ZNF626: variants seen among roughly 807,000 people sequenced by gnomAD.
ZNF626 encodes zinc finger protein 626.
ZNF626 carries 4 observed loss-of-function variants against 11.7 expected under a neutral mutation model. The ratio of observed to expected loss-of-function variants is 0.34; its 90% CI spans 0.17 to 0.78. ZNF626 has a LOEUF of 0.78. ZNF626 is among the 30% of genes least tolerant of loss of function. The pLI, the probability that ZNF626 is intolerant of heterozygous loss-of-function variation, is 0.57. For synonymous variants in ZNF626, 179 were observed against 198.6 expected (o/e 0.90, Z 0.83); for missense variants, 588 against 587.1 (o/e 1.00, Z -0.01).
rs545934123 is a variant in ZNF626 at position 20,621,285 on chromosome 19, C to A, written c.*3005G>T. 7.2e-5 allele frequency: 11 copies of A among 152,214 alleles called. No homozygotes were observed. The highest frequency in any genetic ancestry group is 2.0e-4 in the Admixed American group (3 of 15,288). The allele number at this position is 152,214 out of a possible 1,614,324, so 9.4% of individuals were successfully genotyped here. The stretch of plus-strand genomic sequence containing the variant: ...CTAGGAATACGGGTGCACCACCATG[C>A]CCAACTAATTTTTGTTGTTTTAGTA... On this transcript the variant is annotated 3_prime_UTR_variant, in exon 4 of 4. Transcript: ENST00000601440.
intron 3 of ZNF626, among the ~76,000 whole-genome samples, chr19:20,633,117 G>A (rs530396730): frequency 1.7e-3 from 261 of 152,272 alleles, no homozygotes; most frequent in Middle Eastern, 3.4e-3. Context: ...CTGAACCGCA[G>A]ATACTGCTGC....
rs564802791 is a variant in ZNF626, at chr19:20,629,064, G to C, written c.227-3414C>G. On this transcript the variant is annotated intron_variant, in intron 3 of 3. Transcript: ENST00000601440. ...AATCCTTTCCCCATTGCTTGTTTTT[G>C]TCAGGTTTGTCAAAGGTCAGATAGT... Among the ~76,000 whole-genome samples, 417 of 152,190 alleles carry C rather than the reference G, an allele frequency of 2.7e-3. 1 individual carries two copies. Among genetic ancestry groups the C allele is most frequent in the South Asian group, 4.6e-3 (22 of 4,828 alleles).
At chr19:20,634,464 A>G (rs112776902) in intron 3 of ZNF626, among the ~76,000 whole-genome samples, 21,868 of 152,186 alleles carry the variant, frequency 0.14, 1,706 homozygotes, top group Middle Eastern at 0.19. Flanking sequence ...ACTTTCTATG[A>G]CAAAAATGGA....
In ZNF626 at chr19:20,645,675, C is replaced by T. The variant is rs1555771827; in HGVS notation, c.226+9G>A. ...GTCATCTGTTGTATTCATTTTCACT[C>T]ACACCTACCTGAGGGTTTGGCTATC... On this transcript the variant is annotated intron_variant, in intron 3 of 3. Coordinates refer to ENST00000601440, the MANE Select transcript of ZNF626 (RefSeq NM_001076675.3). The T allele has an allele frequency of 5.0e-6, 8 of 1,605,986 alleles. No homozygotes were observed. Among genetic ancestry groups the T allele is most frequent in the Non-Finnish European group, 6.8e-6 (8 of 1,178,178 alleles).
At chr19:20,638,336 A>G (rs978673544) in intron 3 of ZNF626, among the ~76,000 whole-genome samples, 1 of 151,996 alleles carries the variant, frequency 6.6e-6, no homozygotes, top group Non-Finnish European at 1.5e-5. Flanking sequence ...GAGGCAGGAG[A>G]ATTGCTTAAA....
intron 1 of ZNF626, among the ~76,000 whole-genome samples, chr19:20,660,422 C>T (rs1300659081): frequency 6.6e-6 from 1 of 151,904 alleles, no homozygotes; most frequent in Non-Finnish European, 1.5e-5. Flanking sequence ...TTTTAAGATG[C>T]TTACTTTTTT....
intron 3 of ZNF626, among the ~76,000 whole-genome samples, chr19:20,627,857 C>T (rs558202822): frequency 1.9e-4 from 29 of 152,254 alleles, no homozygotes; most frequent in African/African-American, 6.7e-4. Flanking sequence ...TATACTTGTG[C>T]CATGTTGGTG....
At chr19:20,645,274 T>C in intron 3 of ZNF626, 1 of 1,468,842 alleles carries the variant, frequency 6.8e-7, no homozygotes, top group Non-Finnish European at 9.0e-7. Context: ...CAGAAACTAT[T>C]ACTCTCAGAC....
At chr19:20,651,271 A>C (rs1232452479) in intron 1 of ZNF626, among the ~76,000 whole-genome samples, 5 of 151,920 alleles carry the variant, frequency 3.3e-5, no homozygotes, top group Non-Finnish European at 1.5e-5. Context: ...AGTCACAACA[A>C]TATAAAGTGG....
intron 3 of ZNF626, among the ~76,000 whole-genome samples, chr19:20,633,370 C>T (rs1388706632): frequency 1.5e-4 from 20 of 136,736 alleles, no homozygotes; most frequent in African/African-American, 5.7e-4. Context: ...TTTGTCTGTG[C>T]CCTGCCCCCA....
rs2144758183 is a variant in ZNF626 at position 20,621,960 on chromosome 19, G to A, written c.*2330C>T. 1 of 152,342 alleles carries A rather than the reference G, an allele frequency of 6.6e-6. No homozygotes were observed. The highest frequency in any genetic ancestry group is 1.9e-4 in the East Asian group (1 of 5,182). 9.4% of individuals were successfully genotyped at this position (152,342 alleles called of 1,614,324 possible). A position where few individuals can be genotyped will look rare whatever the true frequency, so the allele number is the denominator to read the frequency against. On this transcript the variant is annotated 3_prime_UTR_variant, in exon 4 of 4. Transcript: ENST00000601440. ...CCAACACTTTGAGAGCCTGAGGTGG[G>A]TGGATCGCTTGAGCTCAGGAGTTTG...
intron 3 of ZNF626, among the ~76,000 whole-genome samples, chr19:20,626,015 C>T (rs534934609): frequency 3.4e-4 from 52 of 152,250 alleles, no homozygotes; most frequent in African/African-American, 1.2e-3. Flanking sequence ...GTAGTCCCAG[C>T]ATGTTGGGAG....
chr19:20,628,695 T>C (rs1969868286), intron 3 of ZNF626, among the ~76,000 whole-genome samples: 1 of 152,256 alleles, frequency 6.6e-6, no homozygotes, highest in African/African-American at 2.4e-5. Context: ...CTTTGTCAGA[T>C]GAGCAGGTTG....
chr19:20,627,886 G>A lies in ZNF626; in HGVS notation c.227-2236C>T, dbSNP rs62107363. Reference sequence around the variant, plus strand: ...GTTGGTGTGTTGCACCCATTAACTCGTCATTTAGCATTAGGTGTATCTCCC... The same window carrying A: ...GTTGGTGTGTTGCACCCATTAACTCATCATTTAGCATTAGGTGTATCTCCC... On this transcript the variant is annotated intron_variant, in intron 3 of 3. Coordinates refer to ENST00000601440, the MANE Select transcript of ZNF626 (RefSeq NM_001076675.3). Among the ~76,000 whole-genome samples the A allele has an allele frequency of 9.8e-3, 1,497 of 152,138 alleles. 8 individuals are homozygous for A. Among genetic ancestry groups the A allele is most frequent in the Non-Finnish European group, 0.016 (1,060 of 68,014 alleles).
chr19:20,655,723 C>T lies in ZNF626; in HGVS notation c.3+5721G>A, dbSNP rs183801420. Among the ~76,000 whole-genome samples the T allele has an allele frequency of 2.0e-4, 30 of 151,932 alleles. No homozygotes were observed. In the East Asian group the frequency reaches 3.1e-3, roughly 16 times the overall value. On this transcript the variant is annotated intron_variant, in intron 1 of 3. Coordinates refer to ENST00000601440, the MANE Select transcript of ZNF626 (RefSeq NM_001076675.3). ...GGATCACAAGGTCAGGAGATCAAGA[C>T]CATCCTGGCAAACATCGTGAAACCC...
chr19:20,646,544 A>G (rs1970080725), intron 1 of ZNF626, 139 bp from the exon 2 acceptor site: 2 of 1,480,348 alleles, frequency 1.4e-6, no homozygotes, highest in Non-Finnish European at 1.8e-6. Context: ...AAATGATTTC[A>G]AAACAGAAAT....
intron 3 of ZNF626, among the ~76,000 whole-genome samples, chr19:20,642,463 T>A (rs573068199): frequency 6.6e-6 from 1 of 152,166 alleles, no homozygotes; most frequent in Non-Finnish European, 1.5e-5. Context: ...CCGGGGGTGG[T>A]GGCGTGCCTG....
chr19:20,653,012 T>C (rs1297249374), intron 1 of ZNF626, among the ~76,000 whole-genome samples: 1 of 152,186 alleles, frequency 6.6e-6, no homozygotes, highest in Admixed American at 6.5e-5. Context: ...GTGAAATTTA[T>C]AGAAATCTGA....
chr19:20,658,642 A>T (rs782539974), intron 1 of ZNF626, among the ~76,000 whole-genome samples: 2 of 152,188 alleles, frequency 1.3e-5, no homozygotes, highest in African/African-American at 4.8e-5. Context: ...GCTTTGTTCC[A>T]GGTCTGGCCC....
Sources: gnomAD v4.1 joint callset for allele counts (sites outside exome capture counted in the v4.1 genomes callset) on GRCh38, gnomAD v4.1.1 for gene constraint, MANE v1.5 for transcripts, NCBI Gene and HGNC (gene_info 2026-07-23, HGNC 2026-07-21) for gene names.